LYPLAL1: variants seen among roughly 807,000 people sequenced by gnomAD.
The protein encoded by LYPLAL1 is lysophospholipase-like protein 1.
A neutral mutation model predicts 19.7 loss-of-function variants in LYPLAL1; 23 were observed. The observed-to-expected ratio is 1.17, with a 90% CI of 0.84 to 1.65. The LOEUF (loss-of-function observed/expected upper bound fraction) is 1.65, where lower values mean the gene tolerates loss of function less well. LYPLAL1 is among the 40% of genes most tolerant of loss of function. The pLI, the probability that LYPLAL1 is intolerant of heterozygous loss-of-function variation, is 0.00. For missense variants in LYPLAL1, 355 were observed against 279.4 expected, an observed-to-expected ratio of 1.27 and a Z score of -1.93; for synonymous variants, 119 against 96.3, an observed-to-expected ratio of 1.24 and a Z score of -1.38.
intron 2 of LYPLAL1, among the ~76,000 whole-genome samples, chr1:219,189,136 A>G (rs2125054198): frequency 6.6e-6 from 1 of 151,846 alleles, no homozygotes. Flanking sequence ...GCATTGTCAA[A>G]GAAAAAAGTT....
the LYPLAL1 span, among the ~76,000 whole-genome samples, chr1:219,380,572 G>T: frequency 1.3e-5 from 2 of 152,186 alleles, no homozygotes; most frequent in African/African-American, 2.4e-5. Flanking sequence ...AGGTTTTCTT[G>T]GAGAAGGTCT....
At chr1:219,355,735 C>A in the LYPLAL1 span, among the ~76,000 whole-genome samples, 1 of 151,646 alleles carries the variant, frequency 6.6e-6, no homozygotes, top group South Asian at 2.1e-4. Flanking sequence ...AAATATGTCT[C>A]AATAAATTTA....
the LYPLAL1 span, among the ~76,000 whole-genome samples, chr1:219,314,659 C>G: frequency 6.6e-6 from 1 of 152,074 alleles, no homozygotes; most frequent in Non-Finnish European, 1.5e-5. Flanking sequence ...GTCTCGATCT[C>G]CTGACTTCGT....
the LYPLAL1 span, among the ~76,000 whole-genome samples, chr1:219,246,474 C>T: frequency 1.3e-5 from 2 of 152,154 alleles, no homozygotes; most frequent in Non-Finnish European, 2.9e-5. Context: ...ATATTATTTA[C>T]TGATTCCTTC....
chr1:219,299,809 A>T, the LYPLAL1 span, among the ~76,000 whole-genome samples: 1 of 152,104 alleles, frequency 6.6e-6, no homozygotes, highest in Non-Finnish European at 1.5e-5. Context: ...TTGCCCTAAA[A>T]TTTTCACTTA....
chr1:219,222,142 A>C, the LYPLAL1 span: 1 of 148,252 alleles, frequency 6.7e-6, no homozygotes, highest in Admixed American at 6.9e-5. Flanking sequence ...GTCCTATATC[A>C]AATCATCCTT....
At chr1:219,241,651 T>C in the LYPLAL1 span, among the ~76,000 whole-genome samples, 2 of 152,194 alleles carry the variant, frequency 1.3e-5, no homozygotes, top group South Asian at 2.1e-4. Flanking sequence ...AAGAGACCAC[T>C]ACTCACTTTC....
intron 3 of LYPLAL1, among the ~76,000 whole-genome samples, chr1:219,198,163 T>C (rs1419371458): frequency 6.6e-6 from 1 of 152,110 alleles, no homozygotes; most frequent in Non-Finnish European, 1.5e-5. Context: ...TTAAATCAAG[T>C]CTCTTGTTGA....
At chr1:219,254,909 T>C in the LYPLAL1 span, among the ~76,000 whole-genome samples, 1 of 152,010 alleles carries the variant, frequency 6.6e-6, no homozygotes, top group African/African-American at 2.4e-5. Flanking sequence ...CAATGATTTG[T>C]AGATTTGGTC....
chr1:219,263,775 G>T, the LYPLAL1 span, among the ~76,000 whole-genome samples: 2 of 152,126 alleles, frequency 1.3e-5, no homozygotes, highest in African/African-American at 2.4e-5. Context: ...TCTACGTAAG[G>T]TTAAATCTTT....
At chr1:219,386,092 A>G in the LYPLAL1 span, among the ~76,000 whole-genome samples, 2 of 152,136 alleles carry the variant, frequency 1.3e-5, no homozygotes, top group South Asian at 4.1e-4. Flanking sequence ...TCACATTACC[A>G]CTGGGCAACA....
downstream of LYPLAL1, among the ~76,000 whole-genome samples, chr1:219,216,005 T>C (rs372007971): frequency 6.6e-6 from 1 of 152,246 alleles, no homozygotes; most frequent in South Asian, 2.1e-4. Flanking sequence ...TTCCATGATA[T>C]AGCTTTAAAT....
chr1:219,220,571 G>T, the LYPLAL1 span, among the ~76,000 whole-genome samples: 1 of 152,130 alleles, frequency 6.6e-6, no homozygotes, highest in African/African-American at 2.4e-5. Context: ...GAAAGGAGAT[G>T]ATCTCTTTCT....
At chr1:219,289,743 A>G in the LYPLAL1 span, among the ~76,000 whole-genome samples, 1 of 152,176 alleles carries the variant, frequency 6.6e-6, no homozygotes, top group Non-Finnish European at 1.5e-5. Context: ...AATGCCCACA[A>G]TTGCTCGCGC....
chr1:219,438,267 A>T, the LYPLAL1 span, among the ~76,000 whole-genome samples: 1 of 152,230 alleles, frequency 6.6e-6, no homozygotes, highest in Non-Finnish European at 1.5e-5. Context: ...AGACATCCAG[A>T]GGGAGCCCAT....
chr1:219,361,212 G>A, the LYPLAL1 span, among the ~76,000 whole-genome samples: 1 of 152,152 alleles, frequency 6.6e-6, no homozygotes, highest in Non-Finnish European at 1.5e-5. Context: ...GCACAGGTTA[G>A]AGAATAAGCT....
chr1:219,216,482 AT>A (rs1659294322), downstream of LYPLAL1, among the ~76,000 whole-genome samples: 2 of 152,092 alleles, frequency 1.3e-5, no homozygotes, highest in African/African-American at 4.8e-5. Flanking sequence ...TTCAGGACTA[AT>A]GTTGCCACAC....
chr1:219,291,054 A>T, the LYPLAL1 span, among the ~76,000 whole-genome samples: 1 of 152,194 alleles, frequency 6.6e-6, no homozygotes, highest in East Asian at 1.9e-4. Flanking sequence ...AATAGCACCC[A>T]CTTCAAGGAT....
At chr1:219,269,624 C>T in the LYPLAL1 span, among the ~76,000 whole-genome samples, 1 of 151,908 alleles carries the variant, frequency 6.6e-6, no homozygotes, top group South Asian at 2.1e-4. Flanking sequence ...TAATATAAAA[C>T]AAAAATTATT....
Sources: gnomAD v4.1 joint callset for allele counts (sites outside exome capture counted in the v4.1 genomes callset) on GRCh38, gnomAD v4.1.1 for gene constraint, MANE v1.5 for transcripts, NCBI Gene and HGNC (gene_info 2026-07-23, HGNC 2026-07-21) for gene names.